PIK3C2G: variants seen among roughly 807,000 people sequenced by gnomAD.
PIK3C2G encodes phosphatidylinositol-4-phosphate 3-kinase catalytic subunit type 2 gamma, also known as phosphatidylinositol 3-kinase C2 domain-containing subunit gamma.
Under a neutral mutation model 181.1 loss-of-function variants are expected in PIK3C2G, and 168 were observed. That is an observed-to-expected ratio of 0.93 (90% CI 0.82 to 1.05). The LOEUF is 1.05. Ranked by LOEUF, PIK3C2G falls within the 50% of genes least tolerant of loss-of-function variation. The pLI is 0.00. For missense variants in PIK3C2G, 1,869 were observed against 1,732.8 expected (o/e 1.08, Z -1.40); for synonymous variants, 573 against 592.2 (o/e 0.97, Z 0.47).
chr12:18,458,371 G>C (rs753000042), intron 18 of PIK3C2G, among the ~76,000 whole-genome samples: 1 of 152,132 alleles, frequency 6.6e-6, no homozygotes. Context: ...AAAACATGAA[G>C]AAAAAGTAGA....
At chr12:18,694,950 C>T in the PIK3C2G span, 9 of 1,603,610 alleles carry the variant, frequency 5.6e-6, no homozygotes, top group Non-Finnish European at 7.7e-6. Context: ...TTTTATGTTA[C>T]TTGGGTTAAA....
In PIK3C2G at chr12:18,505,416, T is replaced by A. The variant is rs1421044601; in HGVS notation, c.3278T>A (p.Phe1093Tyr). The A allele has an allele frequency of 6.2e-7, 1 of 1,613,498 alleles. No homozygotes were observed. The highest frequency in any genetic ancestry group is 8.5e-7 in the Non-Finnish European group (1 of 1,179,650). Residue 1093 changes from phenylalanine to tyrosine, a missense_variant, in exon 24 of 33, where the codon TTT becomes TAT. Transcript: ENST00000538779. ...TKSGHMFHID[F>Y]GKFLGHAQTF... is the part of the protein sequence containing the mutation. ...TCGGGCCACATGTTTCATATTGACT[T>A]TGGAAAATTCTTAGGTCATGCACAA... is the stretch of plus-strand genomic sequence containing the variant.
intron 11 of PIK3C2G, among the ~76,000 whole-genome samples, chr12:18,356,869 T>G (rs1485822052): frequency 8.6e-6 from 1 of 115,734 alleles, no homozygotes; most frequent in Admixed American, 1.2e-4. Context: ...TTTATGGTTA[T>G]AGGATGGGGC....
chr12:18,677,542 C>A, the PIK3C2G span, among the ~76,000 whole-genome samples: 7,481 of 152,038 alleles, frequency 0.049, 613 homozygotes, highest in African/African-American at 0.17. Context: ...CTTAAAATGT[C>A]CCCTATGCTG....
At chr12:18,720,745 G>C in the PIK3C2G span, among the ~76,000 whole-genome samples, 3 of 152,008 alleles carry the variant, frequency 2.0e-5, no homozygotes, top group African/African-American at 7.2e-5. Flanking sequence ...TATGGAAGTA[G>C]AGACTCAGAC....
At chr12:18,705,863 C>A in the PIK3C2G span, among the ~76,000 whole-genome samples, 4 of 151,472 alleles carry the variant, frequency 2.6e-5, no homozygotes, top group Admixed American at 2.6e-4. Context: ...AAGACTCCAT[C>A]TCAAAAATAA....
At chr12:18,524,865 C>T (rs1943135294) in intron 24 of PIK3C2G, among the ~76,000 whole-genome samples, 1 of 150,968 alleles carries the variant, frequency 6.6e-6, no homozygotes, top group Admixed American at 6.6e-5. Context: ...ACCCACCCGG[C>T]CTGTGCCTCA....
intron 30 of PIK3C2G, among the ~76,000 whole-genome samples, chr12:18,599,202 T>G (rs1403145773): frequency 1.3e-5 from 2 of 152,220 alleles, no homozygotes; most frequent in Non-Finnish European, 2.9e-5. Flanking sequence ...TGCACACGTA[T>G]GCTTATTGCG....
intron 31 of PIK3C2G, among the ~76,000 whole-genome samples, chr12:18,623,195 T>A (rs1471422984): frequency 2.0e-4 from 30 of 151,914 alleles, no homozygotes; most frequent in Admixed American, 2.0e-3. Flanking sequence ...TTTAAGTCTT[T>A]AACTCATTTT....
chr12:18,492,875 T>C (rs943847244), intron 20 of PIK3C2G, among the ~76,000 whole-genome samples: 6 of 152,170 alleles, frequency 3.9e-5, no homozygotes, highest in Non-Finnish European at 7.4e-5. Flanking sequence ...ACTCCTTCCC[T>C]ATATAGCACC....
At chr12:18,524,646 A>C (rs866186884) in intron 24 of PIK3C2G, among the ~76,000 whole-genome samples, 1 of 150,632 alleles carries the variant, frequency 6.6e-6, no homozygotes, top group African/African-American at 2.4e-5. Context: ...GCTCACTGCA[A>C]CCTCCGCCTC....
chr12:18,547,664 C>CA lies in PIK3C2G; in HGVS notation c.3590+1240dup, dbSNP rs201278979. On this transcript the variant is annotated intron_variant, in intron 26 of 32. Coordinates refer to ENST00000538779, the MANE Select transcript of PIK3C2G (RefSeq NM_001288772.2). ...GTTGCAAAAACAAAACAAAACAAAA[C>CA]AAAAAAAACCCTGCCTTCTTGCTAT... 5.5e-3 allele frequency among the ~76,000 whole-genome samples: 838 copies of CA among 151,408 alleles called. 7 individuals are homozygous for CA. Among genetic ancestry groups the CA allele is most frequent in the Non-Finnish European group, 8.8e-3 (594 of 67,740 alleles).
At chr12:18,292,227 A>AAAAAAAAAAAAAATATATATAT in intron 4 of PIK3C2G, among the ~76,000 whole-genome samples, 1 of 48,750 alleles carries the variant, frequency 2.1e-5, no homozygotes. Flanking sequence ...AAAAAAAAAA[A>AAAAAAAAAAAAAATATATATAT]ATATATATAT....
chr12:18,579,877 GTAA>G (rs1946408368), intron 29 of PIK3C2G, among the ~76,000 whole-genome samples: 1 of 152,182 alleles, frequency 6.6e-6, no homozygotes, highest in African/African-American at 2.4e-5. Context: ...GCTTATGCCT[GTAA>G]TCCCAGCACT....
intron 28 of PIK3C2G, 44 bp downstream of exon 28, chr12:18,563,542 C>T (rs1489040024): frequency 6.3e-7 from 1 of 1,587,922 alleles, no homozygotes; most frequent in Non-Finnish European, 8.6e-7. Context: ...CAGTACTTGT[C>T]CTTGAGCAAA....
In PIK3C2G at chr12:18,538,266, A is replaced by G. The variant is rs779252571; in HGVS notation, c.3434A>G (p.Asn1145Ser). The G allele has an allele frequency of 1.2e-6, 2 of 1,612,028 alleles. No individual in the cohort carries two copies. Among genetic ancestry groups the G allele is most frequent in the Non-Finnish European group, 8.5e-7 (1 of 1,178,988 alleles). The stretch of plus-strand genomic sequence containing the variant: ...GTGGAACTTTGCTGTCGTGCTTATA[A>G]TATTATCAGAAAGCACAGCCAACTG... Reference protein sequence around the residue: ...DFVELCCRAYNIIRKHSQLLL... With the variant: ...DFVELCCRAYSIIRKHSQLLL... The change falls in exon 25 of 33, where the codon AAT becomes AGT. Residue 1145 changes from asparagine (N) to serine (S), a missense_variant. Coordinates refer to ENST00000538779, the MANE Select transcript of PIK3C2G (RefSeq NM_001288772.2).
At chr12:18,687,490 G>C in the PIK3C2G span, among the ~76,000 whole-genome samples, 1 of 152,064 alleles carries the variant, frequency 6.6e-6, no homozygotes, top group Non-Finnish European at 1.5e-5. Flanking sequence ...TTCAACCTCA[G>C]AGAAGAAATG....
chr12:18,590,468 T>C (rs1947020127), intron 29 of PIK3C2G, among the ~76,000 whole-genome samples: 1 of 151,928 alleles, frequency 6.6e-6, no homozygotes, highest in Admixed American at 6.6e-5. Flanking sequence ...GGAACCCTCC[T>C]GCATACATCG....
intron 29 of PIK3C2G, among the ~76,000 whole-genome samples, chr12:18,590,408 G>C (rs550809936): frequency 6.6e-6 from 1 of 151,850 alleles, no homozygotes; most frequent in South Asian, 2.1e-4. Flanking sequence ...CCAAAATATT[G>C]TATGGGTACC....
Sources: gnomAD v4.1 joint callset for allele counts (sites outside exome capture counted in the v4.1 genomes callset) on GRCh38, gnomAD v4.1.1 for gene constraint, MANE v1.5 for transcripts, NCBI Gene and HGNC (gene_info 2026-07-23, HGNC 2026-07-21) for gene names.